PIGH: variants seen among roughly 807,000 people sequenced by gnomAD.
PIGH encodes phosphatidylinositol N-acetylglucosaminyltransferase subunit H.
PIGH carries 11 observed loss-of-function variants against 20.1 expected under a neutral mutation model. That is an observed-to-expected ratio of 0.55 (90% CI 0.34 to 0.91). PIGH has a LOEUF of 0.91. Ranked by LOEUF, PIGH falls within the 40% of genes least tolerant of loss-of-function variation. The pLI, the probability that PIGH is intolerant of heterozygous loss-of-function variation, is 0.02. For missense variants in PIGH, 189 were observed against 233.6 expected (o/e 0.81, Z 1.24); for synonymous variants, 72 against 93.1 (o/e 0.77, Z 1.31).
At chr14:67,590,623 T>C (rs567589457) in intron 3 of PIGH, among the ~76,000 whole-genome samples, 1 of 152,274 alleles carries the variant, frequency 6.6e-6, no homozygotes, top group African/African-American at 2.4e-5. Context: ...CTTCCCAAAG[T>C]GCTGGGATTA....
intron 1 of PIGH, among the ~76,000 whole-genome samples, chr14:67,597,501 C>CAA (rs34780138): frequency 7.1e-5 from 10 of 140,006 alleles, no homozygotes; most frequent in Admixed American, 2.8e-4. Flanking sequence ...AAACCTGTCT[C>CAA]AAAAAAAAAA....
chr14:67,593,358 G>A, intron 2 of PIGH: 1 of 235,792 alleles, frequency 4.2e-6, no homozygotes, highest in Non-Finnish European at 8.4e-6. Context: ...AAGCATGGTG[G>A]TGCATGCCTG....
chr14:67,590,855 T>C (rs4899210), intron 3 of PIGH, among the ~76,000 whole-genome samples: 64,126 of 152,054 alleles, frequency 0.42, 15,597 homozygotes, highest in Non-Finnish European at 0.56. Flanking sequence ...ATGAACTCCA[T>C]CTCTAAGAAT....
At chr14:67,599,034 TTAGA>T (rs777411977) in intron 1 of PIGH, among the ~76,000 whole-genome samples, 6 of 152,292 alleles carry the variant, frequency 3.9e-5, no homozygotes, top group Admixed American at 2.0e-4. Context: ...GTTTAGATAG[TTAGA>T]TAGTTTCCTG....
At chr14:67,590,413 C>CGGCTAATTTTTTGTATTTTT (rs2036335698) in intron 3 of PIGH, among the ~76,000 whole-genome samples, 1 of 152,108 alleles carries the variant, frequency 6.6e-6, no homozygotes, top group Non-Finnish European at 1.5e-5. Context: ...CCACCACGCC[C>CGGCTAATTTTTTGTATTTTT]AGTGGCACAA....
chr14:67,593,643 T>A (rs904147934), intron 2 of PIGH, 100 bp downstream of exon 2: 7 of 674,222 alleles, frequency 1.0e-5, no homozygotes, highest in East Asian at 2.7e-5. Flanking sequence ...CTTTTAAATA[T>A]AAGTCTCACT....
chr14:67,593,501 A>T (rs2036414644), intron 2 of PIGH: 1 of 485,136 alleles, frequency 2.1e-6, no homozygotes, highest in Admixed American at 3.7e-5. Flanking sequence ...AAAAAAAAAA[A>T]AAGAAAAAAG....
At chr14:67,599,994 GAGC>G in intron 1 of PIGH, 27 bp downstream of exon 1, 1 of 1,527,904 alleles carries the variant, frequency 6.5e-7, no homozygotes, top group Non-Finnish European at 8.8e-7. Flanking sequence ...CCCCTCCTTC[GAGC>G]GCGGGGAGGG....
rs894408078 is a variant in PIGH, at chr14:67,600,205, ACGCCCCCACT to A, written c.-12_-3del. 4.5e-6 allele frequency: 7 copies of A among 1,570,374 alleles called. No individual in the cohort carries two copies. In the African/African-American group the frequency reaches 9.5e-5, roughly 21 times the overall value. ...CGAAAAGCTCCGCTCATCCTCCATGACGCCCCCACTCGGCCGCCCGCACCGCGCGGCGCTG... is the reference window on the plus strand; with the variant it reads ...CGAAAAGCTCCGCTCATCCTCCATGACGGCCGCCCGCACCGCGCGGCGCTG... On this transcript the variant is annotated 5_prime_UTR_variant, in exon 1 of 4. Transcript: ENST00000216452.
intron 1 of PIGH, among the ~76,000 whole-genome samples, chr14:67,599,406 GA>G (rs1431063262): frequency 2.0e-5 from 3 of 152,168 alleles, no homozygotes; most frequent in Admixed American, 1.3e-4. Flanking sequence ...AATGAATCTG[GA>G]AATTGAGCAC....
chr14:67,593,403 A>G (rs1414954575), intron 2 of PIGH: 1 of 266,918 alleles, frequency 3.7e-6, no homozygotes, highest in African/African-American at 2.3e-5. Flanking sequence ...AGGTGGGAGA[A>G]TGGCTTGAGC....
chr14:67,589,815 T>A lies in PIGH; in HGVS notation c.*265A>T. 8.6e-7 allele frequency: 1 copy of A among 1,158,490 alleles called. No individual in the cohort carries two copies. Among genetic ancestry groups the A allele is most frequent in the Non-Finnish European group, 1.1e-6 (1 of 942,154 alleles). 71.8% of individuals were successfully genotyped at this position (1,158,490 alleles called of 1,614,324 possible). A position where few individuals can be genotyped will look rare whatever the true frequency, so the allele number is the denominator to read the frequency against. On this transcript the variant is annotated 3_prime_UTR_variant, in exon 4 of 4. Transcript: ENST00000216452. ...TTTCCGAAAGTGTTCTTTGCTGACA[T>A]TACTTTTGACATACTGTGTCAAAAT...
rs1447955475 is a variant in PIGH at position 67,600,021 on chromosome 14, T to A, written c.180+3A>T. ...GCGCGGGGAGGGGCCGACTTGCCAT[T>A]ACCTCGCAGAGGGTGAAGAGTCCGT... On this transcript the variant is annotated splice_donor_region_variant and intron_variant, in intron 1 of 3. Coordinates refer to ENST00000216452, the MANE Select transcript of PIGH (RefSeq NM_004569.5). 1 of 1,555,544 alleles carries A rather than the reference T, an allele frequency of 6.4e-7. No individual in the cohort carries two copies. Among genetic ancestry groups the A allele is most frequent in the Admixed American group, 1.9e-5 (1 of 52,016 alleles).
At chr14:67,593,109 G>T (rs1321289491) in intron 2 of PIGH, 1 of 169,334 alleles carries the variant, frequency 5.9e-6, no homozygotes, top group Admixed American at 5.8e-5. Flanking sequence ...TCTAAGGGAA[G>T]GCTCAACACT....
intron 3 of PIGH, among the ~76,000 whole-genome samples, chr14:67,591,622 C>T (rs1226582373): frequency 6.6e-6 from 1 of 152,158 alleles, no homozygotes; most frequent in Non-Finnish European, 1.5e-5. Flanking sequence ...GCCTTGACCT[C>T]CTGGGCTCAA....
intron 3 of PIGH, 52 bp downstream of exon 3, chr14:67,592,583 A>G (rs1002240437): frequency 9.4e-7 from 1 of 1,058,774 alleles, no homozygotes. Context: ...TTACATTCCT[A>G]ATGAAAAGGT....
intron 1 of PIGH, among the ~76,000 whole-genome samples, 180 bp downstream of exon 1, chr14:67,599,844 G>A (rs965069569): frequency 4.6e-5 from 7 of 152,166 alleles, no homozygotes; most frequent in Non-Finnish European, 8.8e-5. Flanking sequence ...TTCACTAAAC[G>A]TCATTTAAAG....
In PIGH at chr14:67,600,239, T is replaced by A; in HGVS notation, c.-36A>T. On this transcript the variant is annotated 5_prime_UTR_variant, in exon 1 of 4. Coordinates refer to ENST00000216452, the MANE Select transcript of PIGH (RefSeq NM_004569.5). ...CTCGGCCGCCCGCACCGCGCGGCGCTGCACTGCGCTCGCCGGCCCTGGCCG... is the reference window on the plus strand; with the variant it reads ...CTCGGCCGCCCGCACCGCGCGGCGCAGCACTGCGCTCGCCGGCCCTGGCCG... The A allele has an allele frequency of 6.6e-7, 1 of 1,507,628 alleles. No homozygotes were observed. The highest frequency in any genetic ancestry group is 8.9e-7 in the Non-Finnish European group (1 of 1,128,734). 93.4% of individuals were successfully genotyped at this position (1,507,628 alleles called of 1,614,324 possible). A position where few individuals can be genotyped will look rare whatever the true frequency, so the allele number is the denominator to read the frequency against.
chr14:67,592,812 G>GAGAGAC, intron 2 of PIGH, 94 bp from the exon 3 acceptor site: 2 of 808,576 alleles, frequency 2.5e-6, no homozygotes, highest in Non-Finnish European at 4.1e-6. Flanking sequence ...TTGAGACAGA[G>GAGAGAC]TCTCTCTCTG....
Sources: allele counts gnomAD v4.1 joint callset (sites outside exome capture counted in the v4.1 genomes callset), GRCh38; gene constraint gnomAD v4.1.1; transcripts MANE v1.5; gene names NCBI Gene and HGNC (gene_info 2026-07-23, HGNC 2026-07-21).